Variants in KIAA1217 observed in about 807,000 individuals in gnomAD.
KIAA1217 encodes the protein KIAA1217.
In KIAA1217, 88 loss-of-function variants were observed where a neutral mutation model predicts 163.9. The ratio of observed to expected loss-of-function variants is 0.54; its 90% CI spans 0.45 to 0.64. KIAA1217 has a LOEUF of 0.64. KIAA1217 is among the 30% of genes least tolerant of loss of function. The pLI is 0.00. For synonymous variants in KIAA1217, 903 were observed against 923.1 expected (o/e 0.98, Z 0.39); for missense variants, 2,372 against 2,475.0 (o/e 0.96, Z 0.88).
At chr10:24,117,578 T>C (rs189717357) in intron 2 of KIAA1217, among the ~76,000 whole-genome samples, 160 of 152,202 alleles carry the variant, frequency 1.1e-3, no homozygotes, top group Admixed American at 1.8e-3. Flanking sequence ...GAGGCTGCAG[T>C]GAGCTGAAAT....
intron 1 of KIAA1217, among the ~76,000 whole-genome samples, chr10:23,814,475 T>G (rs1837224927): frequency 6.6e-6 from 1 of 152,206 alleles, no homozygotes; most frequent in Non-Finnish European, 1.5e-5. Context: ...GTTAGCTATT[T>G]CCCATGACTG....
chr10:24,377,854 T>TGC (rs1564570266), intron 2 of KIAA1217, among the ~76,000 whole-genome samples: 13 of 152,078 alleles, frequency 8.5e-5, no homozygotes, highest in Non-Finnish European at 1.9e-4. Flanking sequence ...AGAATTGGTG[T>TGC]TGGTCAGCGG....
chr10:23,832,398 C>A (rs1838249456), intron 1 of KIAA1217, among the ~76,000 whole-genome samples: 1 of 152,190 alleles, frequency 6.6e-6, no homozygotes. Flanking sequence ...TTTTCACCAA[C>A]CAGGAAGCTT....
At chr10:23,857,534 G>T (rs370862070) in intron 1 of KIAA1217, among the ~76,000 whole-genome samples, 1 of 152,170 alleles carries the variant, frequency 6.6e-6, no homozygotes, top group Non-Finnish European at 1.5e-5. Flanking sequence ...AGGTCTTCAA[G>T]CCTGTCTCTA....
At chr10:24,032,127 A>G (rs888698276) in intron 2 of KIAA1217, among the ~76,000 whole-genome samples, 3 of 152,198 alleles carry the variant, frequency 2.0e-5, no homozygotes, top group Admixed American at 6.5e-5. Flanking sequence ...AATATGTTGA[A>G]TGCTTTATAA....
At chr10:24,082,816 G>A (rs1187572749) in intron 2 of KIAA1217, among the ~76,000 whole-genome samples, 1 of 152,170 alleles carries the variant, frequency 6.6e-6, no homozygotes, top group Non-Finnish European at 1.5e-5. Context: ...TTGGGGAATT[G>A]CCATATTGTC....
intron 2 of KIAA1217, among the ~76,000 whole-genome samples, chr10:24,156,719 C>G (rs1005999578): frequency 6.6e-6 from 1 of 152,186 alleles, no homozygotes; most frequent in African/African-American, 2.4e-5. Flanking sequence ...AATCTCTACA[C>G]CCTAGAGCCG....
chr10:24,470,247 A>G (rs1234789720), intron 5 of KIAA1217, among the ~76,000 whole-genome samples: 2 of 152,158 alleles, frequency 1.3e-5, no homozygotes, highest in Non-Finnish European at 2.9e-5. Context: ...AGAGGTATTT[A>G]TAGAGGATCC....
chr10:24,273,743 T>A (rs971338588), intron 2 of KIAA1217, among the ~76,000 whole-genome samples: 5 of 151,112 alleles, frequency 3.3e-5, no homozygotes, highest in African/African-American at 1.2e-4. Context: ...TCACAGCTAC[T>A]CGGGAGGCTT....
At chr10:23,744,446 T>C (rs1262203303) in intron 1 of KIAA1217, among the ~76,000 whole-genome samples, 2 of 152,146 alleles carry the variant, frequency 1.3e-5, no homozygotes, top group African/African-American at 4.8e-5. Flanking sequence ...GAGGTGTCAG[T>C]GGAAGGTGAC....
chr10:23,824,660 T>G (rs868380010), intron 1 of KIAA1217, among the ~76,000 whole-genome samples: 1 of 107,166 alleles, frequency 9.3e-6, no homozygotes. Context: ...ATAAAAAAAA[T>G]ATATATATAT....
At chr10:23,947,993 G>GAGCCCA (rs1844135362) in intron 1 of KIAA1217, among the ~76,000 whole-genome samples, 2 of 152,170 alleles carry the variant, frequency 1.3e-5, no homozygotes, top group Non-Finnish European at 2.9e-5. Context: ...TCAGAAACGT[G>GAGCCCA]TCTTCCACCT....
intron 3 of KIAA1217, among the ~76,000 whole-genome samples, chr10:24,393,979 G>A (rs1395984593): frequency 2.0e-5 from 3 of 152,168 alleles, no homozygotes; most frequent in African/African-American, 7.2e-5. Flanking sequence ...CAAACATATT[G>A]TGTGTCTTTC....
chr10:23,922,745 G>A (rs1161047423), intron 1 of KIAA1217, among the ~76,000 whole-genome samples: 3 of 152,120 alleles, frequency 2.0e-5, no homozygotes, highest in Non-Finnish European at 1.5e-5. Flanking sequence ...GAATTCAGCA[G>A]ATCTTGAAGA....
chr10:23,835,187 A>C (rs919431169), intron 1 of KIAA1217, among the ~76,000 whole-genome samples: 1 of 152,132 alleles, frequency 6.6e-6, no homozygotes, highest in African/African-American at 2.4e-5. Context: ...AGAGAGATGG[A>C]GAATAAGTCA....
At chr10:23,716,817 T>C (rs1213280680) in intron 1 of KIAA1217, among the ~76,000 whole-genome samples, 2 of 152,222 alleles carry the variant, frequency 1.3e-5, no homozygotes, top group African/African-American at 4.8e-5. Context: ...GACAAATAGA[T>C]TTTGAATTAT....
Position 23,727,992 on chromosome 10 carries a change from G to A in KIAA1217, c.-321+32758G>A, listed in dbSNP as rs146136591. On this transcript the variant is annotated intron_variant, in intron 1 of 18. Transcript: ENST00000376462. ...GGACATGAACTCATCCTTTTTTATG[G>A]CTGCATAGTACTCCATGTTGTATAT... 9.5e-3 allele frequency among the ~76,000 whole-genome samples: 1,443 copies of A among 152,132 alleles called. 21 individuals carry two copies. The highest frequency in any genetic ancestry group is 0.033 in the African/African-American group (1,371 of 41,492).
chr10:23,808,426 A>C (rs1483566073), intron 1 of KIAA1217, among the ~76,000 whole-genome samples: 4 of 152,226 alleles, frequency 2.6e-5, no homozygotes, highest in African/African-American at 9.6e-5. Flanking sequence ...GAAAGAAGAA[A>C]AACCATAGGA....
chr10:24,055,545 T>C (rs979266290), intron 2 of KIAA1217, among the ~76,000 whole-genome samples: 2 of 152,176 alleles, frequency 1.3e-5, no homozygotes, highest in African/African-American at 2.4e-5. Flanking sequence ...TACTTGTAAT[T>C]TCAGATTTGC....
Sources: gnomAD v4.1 joint callset for allele counts (sites outside exome capture counted in the v4.1 genomes callset) on GRCh38, gnomAD v4.1.1 for gene constraint, MANE v1.5 for transcripts, NCBI Gene and HGNC (gene_info 2026-07-23, HGNC 2026-07-21) for gene names.